Variants in SEPTIN6 observed in about 807,000 individuals in gnomAD.
SEPTIN6 encodes the protein septin-6.
In SEPTIN6, 8 loss-of-function variants were observed where a neutral mutation model predicts 33.6. The observed-to-expected ratio is 0.24, with a 90% CI of 0.14 to 0.43. The LOEUF is 0.43. SEPTIN6 is among the 20% of genes least tolerant of loss of function. The probability of loss-of-function intolerance (pLI) is 1.00; values close to 1 mark genes in which losing one functional copy is unlikely to be tolerated. For missense variants in SEPTIN6, 250 were observed against 340.8 expected (o/e 0.73, Z 2.10); for synonymous variants, 131 against 140.0 (o/e 0.94, Z 0.45).
chrX:119,636,879 G>C (rs1221006543), intron 7 of SEPTIN6, 148 bp downstream of exon 7: 2 of 627,481 alleles, frequency 3.2e-6, no homozygotes, highest in Non-Finnish European at 4.7e-6. Context: ...CAGGCAAGCA[G>C]AACTGGCAAG....
chrX:119,653,262 C>G (rs2054379594), intron 3 of SEPTIN6, among the ~76,000 whole-genome samples: 2 of 111,393 alleles, frequency 1.8e-5, no homozygotes, highest in Admixed American at 9.6e-5. Context: ...CACTAGAATG[C>G]CCCTTTCTCT....
At chrX:119,630,051 C>T (rs1169956354) in intron 8 of SEPTIN6, among the ~76,000 whole-genome samples, 2 of 111,731 alleles carry the variant, frequency 1.8e-5, no homozygotes, top group Non-Finnish European at 3.8e-5. Context: ...ACCCAGGAGG[C>T]GGAGGTTGCA....
At chrX:119,635,206 A>G (rs926643258) in intron 7 of SEPTIN6, 1 of 313,052 alleles carries the variant, frequency 3.2e-6, no homozygotes, top group South Asian at 2.8e-5. Context: ...TGTTGGAGAC[A>G]CATGCTTAAG....
intron 5 of SEPTIN6, among the ~76,000 whole-genome samples, chrX:119,644,601 C>A (rs2054212463): frequency 9.0e-6 from 1 of 111,049 alleles, no homozygotes; most frequent in Non-Finnish European, 1.9e-5. Flanking sequence ...GTAATCCCAG[C>A]ACTTTGGGAG....
intron 1 of SEPTIN6, among the ~76,000 whole-genome samples, chrX:119,689,525 C>T (rs923751400): frequency 1.8e-5 from 2 of 111,908 alleles, no homozygotes; most frequent in African/African-American, 6.5e-5. Context: ...CCCACTCTGT[C>T]GCCCAGGCTG....
chrX:119,666,611 C>A (rs1408217525), intron 2 of SEPTIN6, among the ~76,000 whole-genome samples: 1 of 111,320 alleles, frequency 9.0e-6, no homozygotes, highest in Non-Finnish European at 1.9e-5. Flanking sequence ...ACCCGGCCCC[C>A]CAGCCCAATT....
chrX:119,671,433 G>A (rs750762167), intron 2 of SEPTIN6, among the ~76,000 whole-genome samples: 4 of 108,763 alleles, frequency 3.7e-5, no homozygotes, highest in South Asian at 4.1e-4. Context: ...GACTACAGGC[G>A]CCCGCCACCA....
At chrX:119,624,144 G>GTTTTTTTTTTT in intron 10 of SEPTIN6, 1 of 211,638 alleles carries the variant, frequency 4.7e-6, no homozygotes, top group Non-Finnish European at 8.7e-6. Context: ...TTTATTATGG[G>GTTTTTTTTTTT]TTTTTTTTTT....
rs750121461 is a variant in SEPTIN6, at chrX:119,675,590, C to T, written c.109G>A (p.Val37Ile). The T allele has an allele frequency of 2.2e-5, 26 of 1,165,360 alleles. No homozygotes were observed. In the East Asian group the frequency reaches 2.9e-4, roughly 13 times the overall value. The stretch of plus-strand genomic sequence containing the variant: ...ATGTTGAAGCAGAAGCCCTGGCTGA[C>T]GGACTTATTCACCAGCTGGTCAGGC... Reference protein sequence around the residue: ...SLPDQLVNKSVSQGFCFNILC... With the variant: ...SLPDQLVNKSISQGFCFNILC... The change falls in exon 2 of 11, where the codon GTC (valine) becomes ATC (isoleucine). Residue 37 changes from valine to isoleucine, a missense_variant. This residue lies in a region of SEPTIN6 where 111 missense variants were observed against 113.8 expected (regional missense o/e 0.98). Coordinates refer to ENST00000394610, the MANE Select transcript of SEPTIN6 (RefSeq NM_145799.4).
Position 119,679,951 on chromosome X carries a change from C to T in SEPTIN6, c.31-4283G>A, listed in dbSNP as rs936508237. Reference sequence around the variant, plus strand: ...GAGAACAATCGCAAGGGTCTAAGCCCGGGAGCTTGGATTGACAGCACCATG... The same window carrying T: ...GAGAACAATCGCAAGGGTCTAAGCCTGGGAGCTTGGATTGACAGCACCATG... On this transcript the variant is annotated intron_variant, in intron 1 of 10. Coordinates refer to ENST00000394610, the MANE Select transcript of SEPTIN6 (RefSeq NM_145799.4). 9.0e-5 allele frequency among the ~76,000 whole-genome samples: 10 copies of T among 111,345 alleles called. No individual in the cohort carries two copies. In the Admixed American group the frequency reaches 9.6e-4, roughly 11 times the overall value.
At chrX:119,644,579 T>C (rs190321803) in intron 5 of SEPTIN6, among the ~76,000 whole-genome samples, 1,175 of 111,227 alleles carry the variant, frequency 0.011, 17 homozygotes, top group African/African-American at 0.036. Flanking sequence ...CCAGGTGTGG[T>C]GGCTCACGCC....
intron 5 of SEPTIN6, among the ~76,000 whole-genome samples, chrX:119,644,639 G>A (rs1481237972): frequency 9.0e-6 from 1 of 110,899 alleles, no homozygotes; most frequent in Non-Finnish European, 1.9e-5. Flanking sequence ...ACGAGGTCAG[G>A]AGTTCAAGAC....
intron 1 of SEPTIN6, among the ~76,000 whole-genome samples, chrX:119,676,232 C>T (rs187890019): frequency 3.7e-5 from 4 of 108,550 alleles, no homozygotes; most frequent in Middle Eastern, 5.1e-3. Flanking sequence ...GAGGCCAAGG[C>T]GGGGGGGATC....
At chrX:119,681,111 T>C (rs1401469145) in intron 1 of SEPTIN6, among the ~76,000 whole-genome samples, 1 of 111,414 alleles carries the variant, frequency 9.0e-6, no homozygotes, top group African/African-American at 3.3e-5. Context: ...GTCCGCATTG[T>C]TCAGAGTTAA....
intron 2 of SEPTIN6, among the ~76,000 whole-genome samples, chrX:119,664,481 T>C (rs1337583451): frequency 9.0e-6 from 1 of 110,931 alleles, no homozygotes; most frequent in African/African-American, 3.3e-5. Flanking sequence ...CTAAGTGGAA[T>C]ATGTATAGTT....
intron 1 of SEPTIN6, among the ~76,000 whole-genome samples, chrX:119,687,248 CTTT>C (rs761167270): frequency 4.1e-5 from 4 of 97,609 alleles, no homozygotes; most frequent in African/African-American, 7.7e-5. Flanking sequence ...TTTCATCTGT[CTTT>C]TTTTTTTTTT....
chrX:119,692,641 C>A (rs901509410), intron 1 of SEPTIN6, among the ~76,000 whole-genome samples: 1 of 112,542 alleles, frequency 8.9e-6, no homozygotes, highest in Non-Finnish European at 1.9e-5. Context: ...ACCCCAGCCC[C>A]GCGCCTCTTT....
Position 119,637,108 on chromosome X carries a change from G to T in SEPTIN6, c.875C>A (p.Thr292Asn). Residue 292 changes from threonine (T) to asparagine (N), a missense_variant, in exon 7 of 11, where the codon ACC becomes AAC. This residue lies in a region of SEPTIN6 where 139 missense variants were observed against 227.0 expected (regional missense o/e 0.61). Coordinates refer to ENST00000394610, the MANE Select transcript of SEPTIN6 (RefSeq NM_145799.4). ...NMEDLREQTH[T>N]RHYELYRRCK... Reference sequence around the variant, plus strand: ...GCGGCGATACAGCTCATAGTGCCGGGTGTGGGTCTGCTCCCGCAGATCCTC... The same window carrying T: ...GCGGCGATACAGCTCATAGTGCCGGTTGTGGGTCTGCTCCCGCAGATCCTC... 3.3e-6 allele frequency: 4 copies of T among 1,211,226 alleles called. No homozygotes were observed. In the South Asian group the frequency reaches 7.0e-5, roughly 21 times the overall value.
intron 10 of SEPTIN6, among the ~76,000 whole-genome samples, chrX:119,621,432 C>T (rs1317224771): frequency 1.3e-5 from 1 of 76,602 alleles, no homozygotes; most frequent in Non-Finnish European, 2.6e-5. Flanking sequence ...AGAGTCACAG[C>T]TGGGCCCAGA....
Sources: gnomAD v4.1 joint callset for allele counts (sites outside exome capture counted in the v4.1 genomes callset) on GRCh38, gnomAD v4.1.1 for gene constraint, gnomAD v4.1.1 regional missense constraint, MANE v1.5 for transcripts, NCBI Gene and HGNC (gene_info 2026-07-23, HGNC 2026-07-21) for gene names.